The following FGD5 variants were observed in gnomAD, a reference collection of about 807,000 sequenced individuals.
FGD5 encodes the protein FYVE, RhoGEF and PH domain containing 5.
Under a neutral mutation model 133.4 loss-of-function variants are expected in FGD5, and 28 were observed. That is an observed-to-expected ratio of 0.21 (90% CI 0.16 to 0.29). The LOEUF (loss-of-function observed/expected upper bound fraction) is 0.29, where lower values mean the gene tolerates loss of function less well. FGD5 is among the 10% of genes least tolerant of loss of function. The probability of loss-of-function intolerance (pLI) is 1.00; values close to 1 mark genes in which losing one functional copy is unlikely to be tolerated. For synonymous variants in FGD5, 810 were observed against 776.5 expected (o/e 1.04, Z -0.72); for missense variants, 1,858 against 1,895.2 (o/e 0.98, Z 0.36).
intron 1 of FGD5, among the ~76,000 whole-genome samples, chr3:14,846,325 G>T (rs1436802732): frequency 6.6e-6 from 1 of 152,112 alleles, no homozygotes; most frequent in Non-Finnish European, 1.5e-5. Flanking sequence ...TCAGCTCATT[G>T]CCTCTCTTCC....
chr3:14,894,438 G>T (rs962008109), intron 4 of FGD5, among the ~76,000 whole-genome samples: 1 of 151,204 alleles, frequency 6.6e-6, no homozygotes, highest in African/African-American at 2.4e-5. Context: ...CTATCTTTTT[G>T]ATGTATTTGG....
At chr3:14,862,086 G>T (rs1202363622) in intron 1 of FGD5, among the ~76,000 whole-genome samples, 2 of 152,152 alleles carry the variant, frequency 1.3e-5, no homozygotes, top group Non-Finnish European at 2.9e-5. Context: ...AGGAAGGTAA[G>T]CCTGACGCTC....
At chr3:14,846,710 A>G (rs541613784) in intron 1 of FGD5, among the ~76,000 whole-genome samples, 4 of 152,216 alleles carry the variant, frequency 2.6e-5, no homozygotes, top group African/African-American at 9.6e-5. Context: ...CAACCGTGGG[A>G]CCAGAGACCC....
chr3:14,822,923 A>T (rs753839387), intron 1 of FGD5, among the ~76,000 whole-genome samples: 1 of 152,226 alleles, frequency 6.6e-6, no homozygotes, highest in Non-Finnish European at 1.5e-5. Context: ...GTTTGCATGG[A>T]TAATTCTCTT....
At chr3:14,858,611 A>G (rs1189332551) in intron 1 of FGD5, among the ~76,000 whole-genome samples, 1 of 152,224 alleles carries the variant, frequency 6.6e-6, no homozygotes, top group Non-Finnish European at 1.5e-5. Flanking sequence ...GGCTCGTAAT[A>G]GGAATTTTTT....
At chr3:14,818,113 T>G (rs138653209), upstream of FGD5, among the ~76,000 whole-genome samples, 1 of 152,374 alleles carries the variant, frequency 6.6e-6, no homozygotes, top group Non-Finnish European at 1.5e-5. Flanking sequence ...CATTGTAGTC[T>G]GCACCACATC....
intron 1 of FGD5, among the ~76,000 whole-genome samples, chr3:14,832,173 T>G (rs1370802632): frequency 6.6e-6 from 1 of 152,188 alleles, no homozygotes; most frequent in Non-Finnish European, 1.5e-5. Context: ...GTCTGAGAGA[T>G]AATGCAGACA....
chr3:14,890,891 C>G (rs2038013532), intron 4 of FGD5, among the ~76,000 whole-genome samples: 1 of 152,228 alleles, frequency 6.6e-6, no homozygotes, highest in African/African-American at 2.4e-5. Flanking sequence ...GGAAGAGCCT[C>G]TCTGCAGCCT....
chr3:14,920,748 T>C (rs1472277355), intron 13 of FGD5, among the ~76,000 whole-genome samples: 1 of 152,206 alleles, frequency 6.6e-6, no homozygotes, highest in Non-Finnish European at 1.5e-5. Context: ...GCTCCTTCCA[T>C]GCATAGGGAG....
chr3:14,821,000 G>C lies in FGD5; in HGVS notation c.1929G>C (p.Pro643=). ...CACTCCTGATCGAGAGCGACTCCCCGGACAAGTACAAGAAGAAGAAGTCAT... is the reference window on the plus strand; with the variant it reads ...CACTCCTGATCGAGAGCGACTCCCCCGACAAGTACAAGAAGAAGAAGTCAT... The part of the protein sequence containing the change: ...SPSLLIESDS[P]DKYKKKKSSF... The change falls in exon 1 of 20, where the codon CCG becomes CCC. Residue 643 remains proline, a synonymous_variant. Transcript: ENST00000285046. 6.2e-7 allele frequency: 1 copy of C among 1,613,800 alleles called. No individual in the cohort carries two copies. Among genetic ancestry groups the C allele is most frequent in the South Asian group, 1.1e-5 (1 of 91,056 alleles).
At chr3:14,835,507 AAAAGAAAAG>A (rs996246582) in intron 1 of FGD5, among the ~76,000 whole-genome samples, 20 of 133,112 alleles carry the variant, frequency 1.5e-4, no homozygotes, top group African/African-American at 5.8e-4. Flanking sequence ...CTCAAAAAAA[AAAAGAAAAG>A]AAAAGAAAAG....
intron 9 of FGD5, among the ~76,000 whole-genome samples, chr3:14,902,281 TAAA>T (rs34728691): frequency 3.2e-5 from 4 of 124,482 alleles, no homozygotes; most frequent in Admixed American, 8.2e-5. Context: ...GATTCCATCT[TAAA>T]AAAAAAAAAA....
At chr3:14,891,316 G>A (rs986966003) in intron 4 of FGD5, among the ~76,000 whole-genome samples, 23 of 152,092 alleles carry the variant, frequency 1.5e-4, no homozygotes, top group African/African-American at 5.1e-4. Context: ...CCATCCAGCC[G>A]CCCTCTGCAC....
chr3:14,829,027 C>T (rs143430675), intron 1 of FGD5, among the ~76,000 whole-genome samples: 1,730 of 152,150 alleles, frequency 0.011, 32 homozygotes, highest in African/African-American at 0.039. Flanking sequence ...CTCCTGACCT[C>T]TGGTGATCCA....
At position 14,821,406 on chromosome 3, in the gene FGD5, G is replaced by A. The variant is rs2036499409; in HGVS notation, c.2335G>A (p.Ala779Thr). ...ADTSDYENIPAMNSDYENIQI... is the reference protein window; with the variant it reads ...ADTSDYENIPTMNSDYENIQI... ...CACTTCAGACTATGAGAACATTCCA[G>A]CCATGAACTCGGACTATGAGAATAT... The change falls in exon 1 of 20, where the codon GCC becomes ACC. Residue 779 changes from alanine to threonine, a missense_variant. Ala to Thr is a moderately conservative substitution (Grantham distance 58). Coordinates refer to ENST00000285046, the MANE Select transcript of FGD5 (RefSeq NM_152536.4). The A allele has an allele frequency of 1.2e-6, 2 of 1,614,008 alleles. No individual in the cohort carries two copies. The highest frequency in any genetic ancestry group is 2.2e-5 in the South Asian group (2 of 91,084).
chr3:14,898,207 G>T, intron 6 of FGD5, 112 bp downstream of exon 6: 2 of 1,395,420 alleles, frequency 1.4e-6, no homozygotes, highest in Non-Finnish European at 2.0e-6. Flanking sequence ...CTGGGGAGCA[G>T]ACAGGGAAGA....
chr3:14,858,462 C>G (rs1048962135), intron 1 of FGD5, among the ~76,000 whole-genome samples: 1 of 151,978 alleles, frequency 6.6e-6, no homozygotes, highest in African/African-American at 2.4e-5. Context: ...AGGGCTTTCT[C>G]ATATGTAGTA....
At chr3:14,888,151 CAGAG>C (rs200780302) in intron 4 of FGD5, among the ~76,000 whole-genome samples, 4 of 69,278 alleles carry the variant, frequency 5.8e-5, no homozygotes, top group Admixed American at 5.6e-4. Flanking sequence ...GCCTGGGTGA[CAGAG>C]AGATCCTTTC....
At chr3:14,839,267 G>A (rs1275472936) in intron 1 of FGD5, among the ~76,000 whole-genome samples, 1 of 152,218 alleles carries the variant, frequency 6.6e-6, no homozygotes, top group Non-Finnish European at 1.5e-5. Context: ...GTAACGTGGA[G>A]ATGCTGCTGG....
Sources: allele counts gnomAD v4.1 joint callset (sites outside exome capture counted in the v4.1 genomes callset), GRCh38; gene constraint gnomAD v4.1.1; transcripts MANE v1.5; gene names NCBI Gene and HGNC (gene_info 2026-07-23, HGNC 2026-07-21).